MAD2L2: variants seen among roughly 807,000 people sequenced by gnomAD.
The protein encoded by MAD2L2 is mitotic spindle assembly checkpoint protein MAD2B.
A neutral mutation model predicts 30.5 loss-of-function variants in MAD2L2; 17 were observed. The ratio of observed to expected loss-of-function variants is 0.56; its 90% CI spans 0.38 to 0.84. MAD2L2 has a LOEUF of 0.84. Ranked by LOEUF, MAD2L2 falls within the 40% of genes least tolerant of loss-of-function variation. The probability of loss-of-function intolerance (pLI) is 0.00; values close to 1 mark genes in which losing one functional copy is unlikely to be tolerated. For synonymous variants in MAD2L2, 101 were observed against 113.9 expected (o/e 0.89, Z 0.72); for missense variants, 213 against 277.4 (o/e 0.77, Z 1.65).
Position 11,674,949 on chromosome 1 carries a change from T to A in MAD2L2, c.594+133A>T. 7.7e-7 allele frequency: 1 copy of A among 1,300,172 alleles called. No homozygotes were observed. The highest frequency in any genetic ancestry group is 1.3e-5 in the South Asian group (1 of 78,706). The allele number at this position is 1,300,172 out of a possible 1,614,324, so 80.5% of individuals were successfully genotyped here. On this transcript the variant is annotated intron_variant, in intron 8 of 8. Coordinates refer to ENST00000376692, the MANE Select transcript of MAD2L2 (RefSeq NM_006341.4). This position sits in a 1 kb window ranked among gnomAD's most constrained non-coding sequence, Gnocchi z 6.1. The stretch of plus-strand genomic sequence containing the variant: ...TGGCCATAGCCATGGTGGAGAAGAG[T>A]AGAGATGGGAGGAGCCCTCCACCAG...
intron 4 of MAD2L2, 49 bp downstream of exon 4, chr1:11,677,494 C>CG (rs1640791146): frequency 6.4e-7 from 1 of 1,552,780 alleles, no homozygotes; most frequent in African/African-American, 1.4e-5. Flanking sequence ...CACACAGGGA[C>CG]GGGGGTGAGC....
chr1:11,684,866 C>G (rs1232330512), upstream of MAD2L2, among the ~76,000 whole-genome samples: 3 of 152,088 alleles, frequency 2.0e-5, no homozygotes, highest in African/African-American at 4.8e-5. Context: ...GGGCAGGGAC[C>G]CAGCCCTCAT....
chr1:11,679,985 G>GTT lies in MAD2L2; in HGVS notation c.159+366_159+367dup, dbSNP rs70983583. ...GGTGGCTTGGCCCGAAGTGGAAGAG[G>GTT]TTTTTTTTTTTTTTTTTTTTTTTTT... On this transcript the variant is annotated intron_variant, in intron 3 of 8. Transcript: ENST00000376692. Among the ~76,000 whole-genome samples the GTT allele has an allele frequency of 1.1e-3, 94 of 87,608 alleles. 1 individual carries two copies. The highest frequency in any genetic ancestry group is 1.9e-3 in the South Asian group (4 of 2,052). 57.5% of individuals were successfully genotyped at this position (87,608 alleles called of 152,430 possible).
At chr1:11,683,518 G>GAAGGAAGGGTGGGAAGGT (rs1640909502), upstream of MAD2L2, among the ~76,000 whole-genome samples, 1 of 151,952 alleles carries the variant, frequency 6.6e-6, no homozygotes, top group Non-Finnish European at 1.5e-5. Context: ...GGACTCGGGG[G>GAAGGAAGGGTGGGAAGGT]GAAGGAAGGG....
intron 3 of MAD2L2, 71 bp from the exon 4 acceptor site, chr1:11,677,685 C>G (rs1640794931): frequency 7.6e-7 from 1 of 1,318,498 alleles, no homozygotes; most frequent in Admixed American, 1.8e-5. Flanking sequence ...CAACCAGGAG[C>G]CTAAGGCCCC....
chr1:11,674,704 G>C lies in MAD2L2; in HGVS notation c.*71C>G. On this transcript the variant is annotated 3_prime_UTR_variant, in exon 9 of 9. Coordinates refer to ENST00000376692, the MANE Select transcript of MAD2L2 (RefSeq NM_006341.4). The surrounding 1 kb of genome is among the most constrained non-coding windows in gnomAD (Gnocchi z 6.1). Reference sequence around the variant, plus strand: ...GAGCACTTGGAATCAGGGCAGCCATGCAGCACTGCCCTAGGCGGGGATCCC... The same window carrying C: ...GAGCACTTGGAATCAGGGCAGCCATCCAGCACTGCCCTAGGCGGGGATCCC... 1 of 1,507,036 alleles carries C rather than the reference G, an allele frequency of 6.6e-7. No individual in the cohort carries two copies. The highest frequency in any genetic ancestry group is 9.2e-7 in the Non-Finnish European group (1 of 1,086,160). 93.4% of individuals were successfully genotyped at this position (1,507,036 alleles called of 1,614,324 possible).
In MAD2L2 at chr1:11,687,387, C is replaced by T. The variant is rs1161524496; in HGVS notation, c.-692+4026G>A. ...CCCGAGTAGCTGGGACTACAGGCGA[C>T]CTCCATCACGCTTGGCTAATTTTTA... On this transcript the variant is annotated intron_variant, in intron 1 of 10. Transcript: ENST00000235310. The surrounding 1 kb of genome is among the most constrained non-coding windows in gnomAD (Gnocchi z 4.1). 6.6e-6 allele frequency among the ~76,000 whole-genome samples: 1 copy of T among 152,136 alleles called. No homozygotes were observed.
In MAD2L2 at chr1:11,690,638, C is replaced by T. The variant is rs535373028; in HGVS notation, c.-692+775G>A. Among the ~76,000 whole-genome samples, 1 of 152,312 alleles carries T rather than the reference C, an allele frequency of 6.6e-6. No homozygotes were observed. Among genetic ancestry groups the T allele is most frequent in the East Asian group, 1.9e-4 (1 of 5,176 alleles). The stretch of plus-strand genomic sequence containing the variant: ...GAAAGAAAACAGTCGAAATGGAAGC[C>T]ACCTGGCGAGCTCAGGGCGCCAGGT... On this transcript the variant is annotated intron_variant, in intron 1 of 10. Coordinates refer to the MAD2L2 transcript ENST00000235310. The surrounding 1 kb of genome is among the most constrained non-coding windows in gnomAD (Gnocchi z 4.2).
At chr1:11,675,794 C>A (rs1172068022) in intron 6 of MAD2L2, 63 bp from the exon 7 acceptor site, 8 of 1,341,392 alleles carry the variant, frequency 6.0e-6, no homozygotes, top group African/African-American at 1.4e-5. Flanking sequence ...CTGGGCCCAG[C>A]CTCTTCCCAC....
In MAD2L2 at chr1:11,674,804, C is replaced by G. The variant is rs757456103; in HGVS notation, c.607G>C (p.Val203Leu). Reference sequence around the variant, plus strand: ...CTGCCTTTATGAGCGCGCTCTTCCACGTAAAGCTGCATCTGACGGACACAA... The same window carrying G: ...CTGCCTTTATGAGCGCGCTCTTCCAGGTAAAGCTGCATCTGACGGACACAA... ...TSDILKMQLY[V>L]EERAHKGS Residue 203 changes from valine to leucine, a missense_variant, in exon 9 of 9, where the codon GTG (valine) becomes CTG (leucine). Transcript: ENST00000376692. The surrounding 1 kb of genome is among the most constrained non-coding windows in gnomAD (Gnocchi z 6.1). 1 of 1,613,620 alleles carries G rather than the reference C, an allele frequency of 6.2e-7. No homozygotes were observed. The highest frequency in any genetic ancestry group is 1.3e-5 in the African/African-American group (1 of 74,934).
chr1:11,682,028 A>G (rs1170597238), upstream of MAD2L2: 1 of 152,216 alleles, frequency 6.6e-6, no homozygotes, highest in African/African-American at 2.4e-5. Flanking sequence ...TAAAATAATA[A>G]AAAATAATGA....
chr1:11,686,262 C>G (rs1340159680), intron 1 of MAD2L2, among the ~76,000 whole-genome samples: 1 of 152,206 alleles, frequency 6.6e-6, no homozygotes, highest in Admixed American at 6.5e-5. Flanking sequence ...CATCTGCCTT[C>G]TGGTGTGAGG....
In MAD2L2 at chr1:11,676,852, T is replaced by C; in HGVS notation, c.328A>G (p.Ile110Val). Reference protein sequence around the residue: ...FEITQPPLLSISSDSLLSHVE... With the variant: ...FEITQPPLLSVSSDSLLSHVE... ...CGAGGGGCAGGGGCAGCCCACCTGATGGACAGCAGTGGAGGCTGGGTGATC... is the reference window on the plus strand; with the variant it reads ...CGAGGGGCAGGGGCAGCCCACCTGACGGACAGCAGTGGAGGCTGGGTGATC... Residue 110 changes from isoleucine (I) to valine (V), a missense_variant, in exon 5 of 9, where the codon ATC (isoleucine) becomes GTC (valine). Physicochemically the swap from Ile to Val is conservative, Grantham distance 29. Transcript: ENST00000376692. 5 of 1,613,808 alleles carry C rather than the reference T, an allele frequency of 3.1e-6. No homozygotes were observed. Among genetic ancestry groups the C allele is most frequent in the Non-Finnish European group, 4.2e-6 (5 of 1,179,700 alleles).
At position 11,690,737 on chromosome 1, in the gene MAD2L2, G is replaced by A. The variant is rs1641046662; in HGVS notation, c.-692+676C>T. On this transcript the variant is annotated intron_variant, in intron 1 of 10. Transcript: ENST00000235310. This position sits in a 1 kb window ranked among gnomAD's most constrained non-coding sequence, Gnocchi z 4.2. ...TCTTTGCAGCGTCCGTGGCCCCACCGACCCCGTCGTGAGTTATGGGAGGCA... is the reference window on the plus strand; with the variant it reads ...TCTTTGCAGCGTCCGTGGCCCCACCAACCCCGTCGTGAGTTATGGGAGGCA... 3.9e-5 allele frequency among the ~76,000 whole-genome samples: 6 copies of A among 152,222 alleles called. No homozygotes were observed. The South Asian group carries it at 1.2e-3, about 32-fold the overall frequency.
intron 3 of MAD2L2, among the ~76,000 whole-genome samples, chr1:11,679,837 T>C (rs1640836101): frequency 6.6e-6 from 1 of 150,782 alleles, no homozygotes; most frequent in Non-Finnish European, 1.5e-5. Flanking sequence ...ACCCCCGGGG[T>C]AACTCTTATC....
rs112789785 is a variant in MAD2L2 at position 11,679,057 on chromosome 1, G to A, written c.159+1296C>T. On this transcript the variant is annotated intron_variant, in intron 3 of 8. Coordinates refer to ENST00000376692, the MANE Select transcript of MAD2L2 (RefSeq NM_006341.4). Reference sequence around the variant, plus strand: ...CACACGCCTGTAATCCCAGCTACTCGGGAGGCTGAGGCAGGAGAATCACTT... The same window carrying A: ...CACACGCCTGTAATCCCAGCTACTCAGGAGGCTGAGGCAGGAGAATCACTT... Among the ~76,000 whole-genome samples the A allele has an allele frequency of 2.6e-3, 390 of 152,258 alleles. 2 individuals carry two copies. The highest frequency in any genetic ancestry group is 8.8e-3 in the African/African-American group (364 of 41,532).
chr1:11,686,919 G>A (rs1379737035), intron 1 of MAD2L2, among the ~76,000 whole-genome samples: 1 of 149,592 alleles, frequency 6.7e-6, no homozygotes, highest in Non-Finnish European at 1.5e-5. Flanking sequence ...TTACAATGTT[G>A]TACATCGCTA....
chr1:11,680,551 A>G lies in MAD2L2; in HGVS notation c.40+11T>C, dbSNP rs1640856345. The G allele has an allele frequency of 1.9e-6, 3 of 1,606,488 alleles. No homozygotes were observed. The highest frequency in any genetic ancestry group is 2.6e-6 in the Non-Finnish European group (3 of 1,175,788). On this transcript the variant is annotated intron_variant, in intron 2 of 8. Transcript: ENST00000376692. ...CCCCCGCCCCCGGGCCCGCAGGTCC[A>G]GCCTCCCTACCTTGGCCAAAGTTGA... is the stretch of plus-strand genomic sequence containing the variant.
At chr1:11,686,838 T>A (rs1640966459) in intron 1 of MAD2L2, among the ~76,000 whole-genome samples, 1 of 150,472 alleles carries the variant, frequency 6.6e-6, no homozygotes, top group South Asian at 2.1e-4. Flanking sequence ...AAAACTTCTC[T>A]GTGGAGATAT....
Sources: allele counts gnomAD v4.1 joint callset (sites outside exome capture counted in the v4.1 genomes callset), GRCh38; gene constraint gnomAD v4.1.1; non-coding constraint Gnocchi (gnomAD v3.1); transcripts MANE v1.5; gene names NCBI Gene and HGNC (gene_info 2026-07-23, HGNC 2026-07-21).